Variants in TLE5 observed in about 807,000 individuals in gnomAD.
TLE5 encodes the protein TLE family member 5.
TLE5 carries 7 observed loss-of-function variants against 25.8 expected under a neutral mutation model. The ratio of observed to expected loss-of-function variants is 0.27; its 90% CI spans 0.15 to 0.51. The LOEUF (loss-of-function observed/expected upper bound fraction) is 0.51. Among genes scored for constraint, TLE5 ranks in the 20% least tolerant of loss-of-function variants. The probability of loss-of-function intolerance (pLI) is 0.97; values close to 1 mark genes in which losing one functional copy is unlikely to be tolerated. For missense variants in TLE5, 149 were observed against 250.7 expected (o/e 0.59, Z 2.74); for synonymous variants, 132 against 110.5 (o/e 1.20, Z -1.22).
At chr19:3,057,802 C>T in intron 2 of TLE5, 60 bp from the exon 3 acceptor site, 1 of 1,510,556 alleles carries the variant, frequency 6.6e-7, no homozygotes, top group Non-Finnish European at 9.1e-7. Flanking sequence ...AGCCCCCCAC[C>T]CTCCGTTATC....
rs577955439 is a variant in TLE5, at chr19:3,059,836, C to T, written c.125+1324G>A. 7.9e-5 allele frequency among the ~76,000 whole-genome samples: 12 copies of T among 152,292 alleles called. No individual in the cohort carries two copies. In the South Asian group the frequency reaches 2.1e-3, roughly 26 times the overall value. On this transcript the variant is annotated intron_variant, in intron 2 of 6. Transcript: ENST00000327141. ...ATCCAACCCTTCATATCGAGGAACCCGCACAAAAGCTTCTGGGGCCTGCAT... is the reference window on the plus strand; with the variant it reads ...ATCCAACCCTTCATATCGAGGAACCTGCACAAAAGCTTCTGGGGCCTGCAT...
At chr19:3,056,214 C>CA (rs2090216457) in intron 4 of TLE5, 98 bp downstream of exon 4, 4 of 815,284 alleles carry the variant, frequency 4.9e-6, no homozygotes, top group Non-Finnish European at 7.2e-6. Context: ...AGCCGAGGGC[C>CA]GGCCGCTACC....
chr19:3,059,082 A>C (rs2090243293), intron 2 of TLE5, among the ~76,000 whole-genome samples: 1 of 152,238 alleles, frequency 6.6e-6, no homozygotes, highest in Non-Finnish European at 1.5e-5. Context: ...ATGCACATGG[A>C]TCTTAGGATA....
intron 3 of TLE5, chr19:3,056,560 A>AG: frequency 1.6e-6 from 1 of 637,906 alleles, no homozygotes; most frequent in Non-Finnish European, 2.8e-6. Flanking sequence ...CCCGCCCTGG[A>AG]GAGGGGCAGG....
chr19:3,053,081 TA>T lies in TLE5; in HGVS notation c.*737del, dbSNP rs1324346959. ...AAACACTTTTGTCTTTTTTTTTTTT[TA>T]ATATCCCCTTTCTTAAAAGACAAGC... On this transcript the variant is annotated 3_prime_UTR_variant, in exon 7 of 7. Coordinates refer to ENST00000327141, the MANE Select transcript of TLE5 (RefSeq NM_001130.6). 2 of 151,408 alleles carry T rather than the reference TA, an allele frequency of 1.3e-5. No homozygotes were observed. Among genetic ancestry groups the T allele is most frequent in the Admixed American group, 6.6e-5 (1 of 15,206 alleles). The allele number at this position is 151,408 out of a possible 1,614,324, so 9.4% of individuals were successfully genotyped here. A position where few individuals can be genotyped will look rare whatever the true frequency, so the allele number is the denominator to read the frequency against.
In TLE5 at chr19:3,055,773, G is replaced by A. The variant is rs541206105; in HGVS notation, c.235-47C>T. The A allele has an allele frequency of 3.2e-6, 5 of 1,554,774 alleles. No individual in the cohort carries two copies. The African/African-American group carries it at 5.5e-5, about 17-fold the overall frequency. On this transcript the variant is annotated intron_variant, in intron 4 of 6. Coordinates refer to ENST00000327141, the MANE Select transcript of TLE5 (RefSeq NM_001130.6). Reference sequence around the variant, plus strand: ...GGCTTCAGTCCTGGGCGGGTGGCAGGTGCAGGCTAGCCACAGGAGGCCTGC... The same window carrying A: ...GGCTTCAGTCCTGGGCGGGTGGCAGATGCAGGCTAGCCACAGGAGGCCTGC...
At chr19:3,058,996 G>T (rs2090242806) in intron 2 of TLE5, among the ~76,000 whole-genome samples, 1 of 152,186 alleles carries the variant, frequency 6.6e-6, no homozygotes, top group South Asian at 2.1e-4. Context: ...CTCGCAGGGT[G>T]GGGTGGAGAA....
intron 2 of TLE5, among the ~76,000 whole-genome samples, chr19:3,060,338 T>TTTTTTTTC (rs2090255566): frequency 7.1e-6 from 1 of 141,070 alleles, no homozygotes; most frequent in African/African-American, 2.7e-5. Context: ...CTTTTTTTTT[T>TTTTTTTTC]TTTTTTTTTT....
Position 3,053,790 on chromosome 19 carries a change from C to A in TLE5, c.*29G>T, listed in dbSNP as rs200912573. 1.3e-5 allele frequency: 21 copies of A among 1,605,878 alleles called. No homozygotes were observed. The highest frequency in any genetic ancestry group is 5.0e-5 in the Admixed American group (3 of 59,786). ...GTGCCTCTGTCTCCCCTCTGTCCCC[C>A]CTCCCAACCTCCCTGTCCCGGCCCC... On this transcript the variant is annotated 3_prime_UTR_variant, in exon 7 of 7. Coordinates refer to ENST00000327141, the MANE Select transcript of TLE5 (RefSeq NM_001130.6).
chr19:3,061,050 C>G lies in TLE5; in HGVS notation c.125+110G>C, dbSNP rs544906549. Reference sequence around the variant, plus strand: ...ATTTGTCAAGTGATTAGGTCAGAGTCTAGCATATATTATTTTCCCAATCTC... The same window carrying G: ...ATTTGTCAAGTGATTAGGTCAGAGTGTAGCATATATTATTTTCCCAATCTC... On this transcript the variant is annotated intron_variant, in intron 2 of 6. Coordinates refer to ENST00000327141, the MANE Select transcript of TLE5 (RefSeq NM_001130.6). 197 of 798,542 alleles carry G rather than the reference C, an allele frequency of 2.5e-4. 1 individual carries two copies. In the African/African-American group the frequency reaches 3.1e-3, roughly 12 times the overall value. The allele number at this position is 798,542 out of a possible 1,614,324, so 49.5% of individuals were successfully genotyped here.
chr19:3,062,015 TG>T (rs1056860321), intron 1 of TLE5, among the ~76,000 whole-genome samples, 158 bp downstream of exon 1: 42 of 61,766 alleles, frequency 6.8e-4, no homozygotes, highest in Non-Finnish European at 1.0e-3. Flanking sequence ...CGCGCCGGGC[TG>T]GGAGCTGGAG....
intron 1 of TLE5, 104 bp downstream of exon 1, chr19:3,062,070 G>T: frequency 2.6e-6 from 1 of 381,120 alleles, no homozygotes; most frequent in Non-Finnish European, 3.6e-6. Context: ...CCGGGCCGGA[G>T]GCACCGGGCC....
rs1265187843 is a variant in TLE5, at chr19:3,057,112, C to T, written c.189+567G>A. Among the ~76,000 whole-genome samples, 5 of 152,302 alleles carry T rather than the reference C, an allele frequency of 3.3e-5. No individual in the cohort carries two copies. In the East Asian group the frequency reaches 5.8e-4, roughly 18 times the overall value. On this transcript the variant is annotated intron_variant, in intron 3 of 6. Coordinates refer to ENST00000327141, the MANE Select transcript of TLE5 (RefSeq NM_001130.6). ...GGGTACTGGGCTGAGACCCCAGCATCGCTGCTCGAGGGCCAGGCCAAGGGT... is the reference window on the plus strand; with the variant it reads ...GGGTACTGGGCTGAGACCCCAGCATTGCTGCTCGAGGGCCAGGCCAAGGGT...
chr19:3,056,674 G>A (rs1483918575), intron 3 of TLE5: 1 of 554,274 alleles, frequency 1.8e-6, no homozygotes, highest in Non-Finnish European at 3.4e-6. Context: ...GCATTCCAGG[G>A]CTCCTAATCT....
chr19:3,053,908 G>A lies in TLE5; in HGVS notation c.505C>T (p.Leu169=). Residue 169 remains leucine (L), a synonymous_variant, in exon 7 of 7, where the codon CTG becomes TTG. Transcript: ENST00000327141. ...AGTGLLSLSA[L]GSQAHLSKED... ...TTGGAGAGGTGGGCCTGGGAACCCAGCGCGGACAGCGAGAGGAGGCCGGTG... is the reference window on the plus strand; with the variant it reads ...TTGGAGAGGTGGGCCTGGGAACCCAACGCGGACAGCGAGAGGAGGCCGGTG... 4.3e-6 allele frequency: 7 copies of A among 1,613,140 alleles called. No homozygotes were observed. Among genetic ancestry groups the A allele is most frequent in the Non-Finnish European group, 5.9e-6 (7 of 1,180,002 alleles).
At chr19:3,054,453 G>C in intron 5 of TLE5, 1 of 576,520 alleles carries the variant, frequency 1.7e-6, no homozygotes, top group East Asian at 2.9e-5. Context: ...GTGCTAAGTA[G>C]TTAGGAAACA....
In TLE5 at chr19:3,053,630, G is replaced by A. The variant is rs537809923; in HGVS notation, c.*189C>T. 163 of 635,742 alleles carry A rather than the reference G, an allele frequency of 2.6e-4. 2 individuals are homozygous for A. In the East Asian group the frequency reaches 4.4e-3, roughly 17 times the overall value. The allele number at this position is 635,742 out of a possible 1,614,324, so 39.4% of individuals were successfully genotyped here. On this transcript the variant is annotated 3_prime_UTR_variant, in exon 7 of 7. Coordinates refer to ENST00000327141, the MANE Select transcript of TLE5 (RefSeq NM_001130.6). Reference sequence around the variant, plus strand: ...TGCAGGGGAGGAGGAGGGAAGCCGGGAATGGGGTAGGAAGAAAGCTAGAGG... The same window carrying A: ...TGCAGGGGAGGAGGAGGGAAGCCGGAAATGGGGTAGGAAGAAAGCTAGAGG...
chr19:3,059,656 G>A (rs2090248366), intron 2 of TLE5, among the ~76,000 whole-genome samples: 1 of 152,162 alleles, frequency 6.6e-6, no homozygotes, highest in Non-Finnish European at 1.5e-5. Context: ...GATATGGTAG[G>A]GTCCCTCGTT....
At position 3,062,191 on chromosome 19, in the gene TLE5, G is replaced by A; in HGVS notation, c.10C>T (p.Pro4Ser). The change falls in exon 1 of 7, where the codon CCA (proline) becomes TCA (serine). Residue 4 changes from proline (P) to serine (S), a missense_variant. Physicochemically the swap from Pro to Ser is moderately conservative, Grantham distance 74 (BLOSUM62 -1). Transcript: ENST00000327141. Reference sequence around the variant, plus strand: ...CCGCTTACCGAATGCCTGCTTTGTGGAAACATCATGTCAATCGCGGCGGGG... The same window carrying A: ...CCGCTTACCGAATGCCTGCTTTGTGAAAACATCATGTCAATCGCGGCGGGG... MMF[P>S]QSRHSGSSHL... 2 of 1,162,216 alleles carry A rather than the reference G, an allele frequency of 1.7e-6. No individual in the cohort carries two copies. Among genetic ancestry groups the A allele is most frequent in the Non-Finnish European group, 2.1e-6 (2 of 941,700 alleles). The allele number at this position is 1,162,216 out of a possible 1,614,324, so 72.0% of individuals were successfully genotyped here. A position where few individuals can be genotyped will look rare whatever the true frequency, so the allele number is the denominator to read the frequency against.
Sources: gnomAD v4.1 joint callset for allele counts (sites outside exome capture counted in the v4.1 genomes callset) on GRCh38, gnomAD v4.1.1 for gene constraint, MANE v1.5 for transcripts, NCBI Gene and HGNC (gene_info 2026-07-23, HGNC 2026-07-21) for gene names.